The following WBP2NL variants were observed in gnomAD, a reference collection of about 807,000 sequenced individuals.
WBP2NL encodes the protein WBP2 N-terminal like, also known as postacrosomal sheath WW domain-binding protein.
WBP2NL carries 27 observed loss-of-function variants against 23.3 expected under a neutral mutation model. That is an observed-to-expected ratio of 1.16 (90% CI 0.85 to 1.60). The LOEUF is 1.60. Ranked by LOEUF, WBP2NL falls within the 40% of genes most tolerant of loss-of-function variation. The probability of loss-of-function intolerance (pLI) is 0.00; values close to 1 mark genes in which losing one functional copy is unlikely to be tolerated. For missense variants in WBP2NL, 370 were observed against 389.5 expected, an observed-to-expected ratio of 0.95 and a Z score of 0.42; for synonymous variants, 151 against 145.9, an observed-to-expected ratio of 1.03 and a Z score of -0.25.
chr22:42,021,261 G>T (rs1309730710), intron 4 of WBP2NL, among the ~76,000 whole-genome samples: 2 of 151,800 alleles, frequency 1.3e-5, no homozygotes, highest in Non-Finnish European at 2.9e-5. Context: ...TGGCCTCTTT[G>T]TACAGCCAGC....
rs1356525425 is a variant in WBP2NL at position 42,049,695 on chromosome 22, CAAAACAAAACAAA to C, written c.*274-8590_*274-8578del. 1.9e-3 allele frequency among the ~76,000 whole-genome samples: 43 copies of C among 22,856 alleles called. 1 individual carries two copies. The South Asian group carries it at 0.055, about 29-fold the overall frequency. 15.0% of individuals were successfully genotyped at this position (22,856 alleles called of 152,430 possible). ...ACAGAGCGAGACTCCGTCTCCAAAA[CAAAACAAAACAAA>C]AAAAAAAAAAAAAAAAAAAAAAATA... On this transcript the variant is annotated intron_variant and NMD_transcript_variant, in intron 8 of 8. Coordinates refer to the WBP2NL transcript ENST00000436265.
intron 8 of WBP2NL, among the ~76,000 whole-genome samples, chr22:42,056,443 A>G (rs1926033163): frequency 6.6e-6 from 1 of 152,134 alleles, no homozygotes; most frequent in Non-Finnish European, 1.5e-5. Context: ...AATCATTTAT[A>G]TTTACTTATG....
At position 42,019,749 on chromosome 22, in the gene WBP2NL, CA is replaced by C; in HGVS notation, c.261del (p.Gln87HisfsTer29). ...FDLMTNLTVEQPVFAANFIKG... is the reference protein window; with the variant it reads ...FDLMTNLTVEXPVFAANFIKG... ...TCTGATGACGAACCTCACTGTTGAA[CA>C]ACCAGTATTTGCTGCAAACTTCATT... On this transcript the variant is annotated frameshift_variant, in exon 3 of 6. Coordinates refer to ENST00000328823, the MANE Select transcript of WBP2NL (RefSeq NM_152613.3). LOFTEE classifies it high-confidence loss of function. 6.2e-7 allele frequency: 1 copy of C among 1,614,194 alleles called. No individual in the cohort carries two copies. The highest frequency in any genetic ancestry group is 8.5e-7 in the Non-Finnish European group (1 of 1,180,032).
chr22:42,045,196 T>G (rs150023825), intron 8 of WBP2NL, among the ~76,000 whole-genome samples: 1 of 152,058 alleles, frequency 6.6e-6, no homozygotes, highest in South Asian at 2.1e-4. Context: ...CCCAGCACTT[T>G]GGGAGTCCGA....
chr22:42,020,170 G>T (rs1923754292), intron 4 of WBP2NL, 74 bp downstream of exon 4: 1 of 1,377,452 alleles, frequency 7.3e-7, no homozygotes, highest in Non-Finnish European at 1.0e-6. Flanking sequence ...TGTTGTTGTT[G>T]TTGCTGTTGT....
intron 1 of WBP2NL, chr22:42,001,295 G>A (rs1355606966): frequency 4.4e-6 from 3 of 689,250 alleles, no homozygotes; most frequent in Non-Finnish European, 5.4e-6. Context: ...AGTCAACCCA[G>A]CAACGGCAGT....
At chr22:42,029,451 A>T (rs182008369), downstream of WBP2NL, among the ~76,000 whole-genome samples, 237 of 152,120 alleles carry the variant, frequency 1.6e-3, 2 homozygotes, top group Middle Eastern at 0.024. Context: ...GGCTCACTGC[A>T]ACCTCCACCT....
At chr22:42,014,071 C>T (rs1380816301) in intron 1 of WBP2NL, among the ~76,000 whole-genome samples, 5 of 151,758 alleles carry the variant, frequency 3.3e-5, no homozygotes, top group East Asian at 1.9e-4. Context: ...CATGAGCCAC[C>T]GCACCCCACC....
chr22:42,001,085 G>T, intron 1 of WBP2NL: 2 of 955,646 alleles, frequency 2.1e-6, no homozygotes, highest in Non-Finnish European at 1.6e-6. Context: ...GTACTTCTTG[G>T]TTTCATCATA....
At chr22:42,052,605 G>A (rs559438231) in intron 8 of WBP2NL, among the ~76,000 whole-genome samples, 1 of 152,140 alleles carries the variant, frequency 6.6e-6, no homozygotes, top group African/African-American at 2.4e-5. Flanking sequence ...TTTTTTCCTT[G>A]GAGTCCAGAA....
intron 8 of WBP2NL, among the ~76,000 whole-genome samples, chr22:42,039,092 G>A (rs1005231215): frequency 2.7e-5 from 4 of 147,596 alleles, no homozygotes; most frequent in African/African-American, 1.0e-4. Flanking sequence ...TTTTTTTTGA[G>A]ACAGAGTCTC....
At chr22:42,000,056 T>A (rs556848626) in intron 1 of WBP2NL, among the ~76,000 whole-genome samples, 1 of 152,340 alleles carries the variant, frequency 6.6e-6, no homozygotes, top group Admixed American at 6.5e-5. Flanking sequence ...ATTGCGCTCC[T>A]TTCTGGGCTC....
At chr22:42,053,619 C>T (rs1314393334) in intron 8 of WBP2NL, among the ~76,000 whole-genome samples, 1 of 151,976 alleles carries the variant, frequency 6.6e-6, no homozygotes, top group African/African-American at 2.4e-5. Context: ...GCCACCATGC[C>T]TGGCTAATTT....
intron 8 of WBP2NL, among the ~76,000 whole-genome samples, chr22:42,041,481 TAAAAAAAAAAAA>T (rs35848343): frequency 5.3e-5 from 6 of 112,828 alleles, no homozygotes; most frequent in Admixed American, 4.6e-4. Context: ...GTTCTGTCTT[TAAAAAAAAAAAA>T]AAAAAAAAAA....
At chr22:42,012,677 A>G (rs1026752127) in intron 1 of WBP2NL, among the ~76,000 whole-genome samples, 4 of 152,088 alleles carry the variant, frequency 2.6e-5, no homozygotes, top group African/African-American at 9.7e-5. Flanking sequence ...TTTGCCACTC[A>G]TAGAATTCTT....
chr22:42,052,064 C>T (rs367812695), intron 8 of WBP2NL, among the ~76,000 whole-genome samples: 2 of 152,078 alleles, frequency 1.3e-5, no homozygotes, highest in South Asian at 2.1e-4. Flanking sequence ...TTCTATAAAC[C>T]GGTCAGTCTT....
At chr22:42,020,864 G>GTATA (rs1923839129) in intron 4 of WBP2NL, among the ~76,000 whole-genome samples, 22 of 35,026 alleles carry the variant, frequency 6.3e-4, no homozygotes, top group Admixed American at 9.9e-4. Context: ...GTGTGTGTGT[G>GTATA]TGTGTATATA....
chr22:42,041,993 T>C (rs1183503424), intron 8 of WBP2NL, among the ~76,000 whole-genome samples: 1 of 152,244 alleles, frequency 6.6e-6, no homozygotes, highest in East Asian at 1.9e-4. Context: ...TTGGAACATA[T>C]TATCCCATTC....
chr22:42,019,690 G>C lies in WBP2NL; in HGVS notation c.200G>C (p.Ser67Thr). 1 of 1,614,110 alleles carries C rather than the reference G, an allele frequency of 6.2e-7. No individual in the cohort carries two copies. Among genetic ancestry groups the C allele is most frequent in the Non-Finnish European group, 8.5e-7 (1 of 1,180,038 alleles). The change falls in exon 3 of 6, where the codon AGT becomes ACT. Residue 67 changes from serine (S) to threonine (T), a missense_variant. Transcript: ENST00000328823. ...ATTTTCATAACTTCATGCTCCATCA[G>C]TGATCCCATGTTGTCTTTTATGATG... ...RVIFITSCSI[S>T]DPMLSFMMPF...
Sources: allele counts gnomAD v4.1 joint callset (sites outside exome capture counted in the v4.1 genomes callset), GRCh38; gene constraint gnomAD v4.1.1; transcripts MANE v1.5; gene names NCBI Gene and HGNC (gene_info 2026-07-23, HGNC 2026-07-21).